TRRAP: variants seen among roughly 807,000 people sequenced by gnomAD.
TRRAP encodes transformation/transcription domain associated protein, also known as transformation/transcription domain-associated protein.
A neutral mutation model predicts 438.8 loss-of-function variants in TRRAP; 41 were observed. The observed-to-expected ratio is 0.09, with a 90% CI of 0.07 to 0.12. The LOEUF (loss-of-function observed/expected upper bound fraction) is 0.12. TRRAP is among the 10% of genes least tolerant of loss of function. The probability of loss-of-function intolerance (pLI) is 1.00; values close to 1 mark genes in which losing one functional copy is unlikely to be tolerated. For synonymous variants in TRRAP, 1,994 were observed against 1,962.9 expected, an observed-to-expected ratio of 1.02 and a Z score of -0.42; for missense variants, 3,122 against 5,055.1, an observed-to-expected ratio of 0.62 and a Z score of 11.60.
Position 98,959,437 on chromosome 7 carries a change from T to G in TRRAP, c.6436T>G (p.Trp2146Gly), listed in dbSNP as rs34185633. 9.3e-6 allele frequency: 15 copies of G among 1,613,986 alleles called. No homozygotes were observed. The East Asian group carries it at 3.3e-4, about 36-fold the overall frequency. Residue 2146 changes from tryptophan to glycine, a missense_variant, in exon 45 of 73, where the codon TGG becomes GGG. Physicochemically the swap from Trp to Gly is radical, Grantham distance 184. This residue lies in a region of TRRAP where 992 missense variants were observed against 1,281.2 expected (regional missense o/e 0.77). Transcript: ENST00000456197. ...LLKTALRPDM[W>G]PKSELKLQWF... ...GAAGACTGCGTTGCGGCCAGACATG[T>G]GGCCCAAGTCCGAACTCAAGCTGCA...
Position 98,976,842 on chromosome 7 carries a change from C to A in TRRAP, c.8247+72C>A. On this transcript the variant is annotated intron_variant, in intron 55 of 72. Transcript: ENST00000456197. This position sits in a 1 kb window ranked among gnomAD's most constrained non-coding sequence, Gnocchi z 4.6. ...CTTCACACTTTAAATAAATACTCCT[C>A]CCAAATGATTTCAAATGACAGCACA... 1 of 1,599,996 alleles carries A rather than the reference C, an allele frequency of 6.3e-7. No individual in the cohort carries two copies. Among genetic ancestry groups the A allele is most frequent in the Admixed American group, 1.7e-5 (1 of 59,020 alleles).
intron 62 of TRRAP, 134 bp from the exon 63 acceptor site, chr7:98,988,631 T>TA: frequency 9.7e-7 from 1 of 1,026,326 alleles, no homozygotes; most frequent in Non-Finnish European, 1.4e-6. Flanking sequence ...AGCGACTGCT[T>TA]ATGGGGCGGT....
At chr7:98,939,837 G>T (rs1385827693) in intron 30 of TRRAP, among the ~76,000 whole-genome samples, 1 of 152,082 alleles carries the variant, frequency 6.6e-6, no homozygotes, top group Admixed American at 6.5e-5. Flanking sequence ...GTCATTTTTT[G>T]CTGCCTTTGT....
At position 99,008,575 on chromosome 7, in the gene TRRAP, C is replaced by G; in HGVS notation, c.10938+14C>G. 6.2e-7 allele frequency: 1 copy of G among 1,611,826 alleles called. No homozygotes were observed. Among genetic ancestry groups the G allele is most frequent in the Admixed American group, 1.7e-5 (1 of 59,930 alleles). On this transcript the variant is annotated intron_variant, in intron 70 of 72. Transcript: ENST00000456197. ...GCCAGCCACCAGGTAGCAGTGGGGC[C>G]GGGCCGGGGGCCGAGCTGCCGCCTG...
chr7:98,991,570 T>G lies in TRRAP; in HGVS notation c.9757-567T>G, dbSNP rs577170733. ...CTGCCTGTGACGGCTTAGATGTTAT[T>G]CCTTTCTTCCTTTCATGGGCACATT... On this transcript the variant is annotated intron_variant, in intron 64 of 72. Transcript: ENST00000456197. Among the ~76,000 whole-genome samples the G allele has an allele frequency of 3.3e-5, 5 of 152,344 alleles. No homozygotes were observed. The South Asian group carries it at 1.0e-3, about 32-fold the overall frequency.
At chr7:98,887,697 T>C (rs1584267526) in intron 3 of TRRAP, among the ~76,000 whole-genome samples, 1 of 117,604 alleles carries the variant, frequency 8.5e-6, no homozygotes, top group Admixed American at 1.3e-4. Flanking sequence ...ACCATTGCAC[T>C]CCAGCCTGGT....
At position 98,906,237 on chromosome 7, in the gene TRRAP, C is replaced by T. The variant is rs1554407500; in HGVS notation, c.1097C>T (p.Thr366Ile). Residue 366 changes from threonine to isoleucine, a missense_variant, in exon 13 of 73, where the codon ACT becomes ATT. Physicochemically the swap from Thr to Ile is moderately conservative, Grantham distance 89. This residue lies in a region of TRRAP where 343 missense variants were observed against 564.0 expected (regional missense o/e 0.61). Coordinates refer to ENST00000456197, the MANE Select transcript of TRRAP (RefSeq NM_001375524.1). Reference sequence around the variant, plus strand: ...TCCATACTAATTGGCTCAGGATATACTGCCAGAGAGACTCTAAGGTATGAG... The same window carrying T: ...TCCATACTAATTGGCTCAGGATATATTGCCAGAGAGACTCTAAGGTATGAG... ...DESILIGSGYTARETLRPLAY... is the reference protein window; with the variant it reads ...DESILIGSGYIARETLRPLAY... 2 of 1,613,820 alleles carry T rather than the reference C, an allele frequency of 1.2e-6. No individual in the cohort carries two copies. The highest frequency in any genetic ancestry group is 1.7e-6 in the Non-Finnish European group (2 of 1,179,842).
intron 19 of TRRAP, among the ~76,000 whole-genome samples, chr7:98,916,118 T>C (rs570166760): frequency 8.7e-4 from 131 of 150,044 alleles, no homozygotes; most frequent in African/African-American, 3.0e-3. Flanking sequence ...CTCCTCAGCA[T>C]TGAATGGGAT....
At chr7:99,009,876 T>TTC (rs869233937) in intron 70 of TRRAP, among the ~76,000 whole-genome samples, 4 of 145,404 alleles carry the variant, frequency 2.8e-5, no homozygotes, top group Non-Finnish European at 5.9e-5. Flanking sequence ...TCCTTCATTC[T>TTC]TCTCTTTTTT....
intron 40 of TRRAP, among the ~76,000 whole-genome samples, chr7:98,954,394 T>G (rs1361302908): frequency 1.3e-5 from 2 of 152,248 alleles, no homozygotes; most frequent in African/African-American, 4.8e-5. Flanking sequence ...CTTTGACAGC[T>G]TTCCCCTGAC....
chr7:98,940,185 G>A (rs782104819), intron 30 of TRRAP, among the ~76,000 whole-genome samples: 4 of 151,652 alleles, frequency 2.6e-5, no homozygotes, highest in Non-Finnish European at 4.4e-5. Flanking sequence ...TGCCTGGCCT[G>A]TTTGTTTGTT....
At chr7:98,883,217 G>A (rs11978484) in intron 3 of TRRAP, among the ~76,000 whole-genome samples, 1 of 151,984 alleles carries the variant, frequency 6.6e-6, no homozygotes, top group Non-Finnish European at 1.5e-5. Flanking sequence ...GATCTTCTGA[G>A]AATTTTTTTA....
chr7:98,949,833 C>G lies in TRRAP; in HGVS notation c.5127C>G (p.Asn1709Lys). ...EPKLLAYCLL[N>K]YCKRNYGDIE... ...AGCTGCTGGCCTACTGCCTGCTGAA[C>G]TACTGCAAGTGGGTGCCTCCTCCCG... The change falls in exon 37 of 73, where the codon AAC becomes AAG. Residue 1709 changes from asparagine (N) to lysine (K), a missense_variant. By Grantham distance (94) the Asn-to-Lys change is moderately conservative. Around this residue, in one of 24 missense-constraint regions of TRRAP, gnomAD observed 272 missense variants for 348.5 expected, o/e 0.78. Coordinates refer to ENST00000456197, the MANE Select transcript of TRRAP (RefSeq NM_001375524.1). The G allele has an allele frequency of 6.2e-7, 1 of 1,612,890 alleles. No homozygotes were observed. The highest frequency in any genetic ancestry group is 8.5e-7 in the Non-Finnish European group (1 of 1,179,542).
At chr7:98,928,648 T>C (rs1790164979) in intron 23 of TRRAP, among the ~76,000 whole-genome samples, 1 of 152,244 alleles carries the variant, frequency 6.6e-6, no homozygotes, top group African/African-American at 2.4e-5. Context: ...CTTTTTGTTG[T>C]TGTATGTTAG....
intron 28 of TRRAP, among the ~76,000 whole-genome samples, chr7:98,936,935 G>A (rs1790582574): frequency 2.6e-5 from 4 of 152,156 alleles, no homozygotes; most frequent in Admixed American, 1.3e-4. Context: ...GAGCCTTTGG[G>A]AAAGAAAATT....
intron 52 of TRRAP, among the ~76,000 whole-genome samples, chr7:98,970,719 C>T (rs1191044085): frequency 6.6e-6 from 1 of 152,036 alleles, no homozygotes; most frequent in Non-Finnish European, 1.5e-5. Flanking sequence ...CGTGATTTTT[C>T]TCTCCTGGTG....
At chr7:98,928,707 C>A (rs1252992299) in intron 23 of TRRAP, among the ~76,000 whole-genome samples, 1 of 151,922 alleles carries the variant, frequency 6.6e-6, no homozygotes, top group Admixed American at 6.6e-5. Flanking sequence ...TGCCCCTTGG[C>A]CTATTTAATA....
At chr7:98,910,651 C>T (rs1286282782) in intron 16 of TRRAP, 44 bp downstream of exon 16, 10 of 1,527,428 alleles carry the variant, frequency 6.5e-6, no homozygotes, top group Middle Eastern at 1.7e-4. Context: ...ATGGAAAGTA[C>T]CTCTTAGTAT....
intron 62 of TRRAP, among the ~76,000 whole-genome samples, chr7:98,985,743 A>G (rs1474105320): frequency 1.4e-4 from 22 of 152,248 alleles, no homozygotes; most frequent in Admixed American, 1.3e-3. Context: ...TTTTTAAATT[A>G]GGAAGCAGTT....
Sources: gnomAD v4.1 joint callset for allele counts (sites outside exome capture counted in the v4.1 genomes callset) on GRCh38, gnomAD v4.1.1 for gene constraint, gnomAD v4.1.1 regional missense constraint, Gnocchi (gnomAD v3.1) non-coding constraint, MANE v1.5 for transcripts, NCBI Gene and HGNC (gene_info 2026-07-23, HGNC 2026-07-21) for gene names.